The following NRXN1 variants were observed in gnomAD, a reference collection of about 807,000 sequenced individuals.
NRXN1 encodes the protein neurexin 1.
In NRXN1, 39 loss-of-function variants were observed where a neutral mutation model predicts 150.9. That is an observed-to-expected ratio of 0.26 (90% CI 0.20 to 0.34). The LOEUF is 0.34. Among genes scored for constraint, NRXN1 ranks in the 10% least tolerant of loss-of-function variants. NRXN1 has a pLI of 1.00. For synonymous variants in NRXN1, 924 were observed against 757.0 expected (o/e 1.22, Z -3.62); for missense variants, 1,815 against 1,949.9 (o/e 0.93, Z 1.30).
chr2:50,112,425 C>A (rs571220060), intron 18 of NRXN1, among the ~76,000 whole-genome samples: 1 of 152,346 alleles, frequency 6.6e-6, no homozygotes, highest in Admixed American at 6.5e-5. Flanking sequence ...GTTCAGCCTT[C>A]TCCGGTAGAC....
chr2:50,265,965 GTTATTATTATTATTATTATTA>G (rs757745541), intron 17 of NRXN1, among the ~76,000 whole-genome samples: 1 of 132,370 alleles, frequency 7.6e-6, no homozygotes, highest in Non-Finnish European at 1.6e-5. Context: ...TTATTTCTTT[GTTATTATTATTATTATTATTA>G]TTATTATTAT....
chr2:50,803,114 TAAGAA>T, intron 5 of NRXN1, among the ~76,000 whole-genome samples: 1 of 152,250 alleles, frequency 6.6e-6, no homozygotes, highest in South Asian at 2.1e-4. Context: ...ACAAGGATAA[TAAGAA>T]AAGAAAATCT....
At chr2:50,379,463 C>G (rs2080786065) in intron 17 of NRXN1, among the ~76,000 whole-genome samples, 1 of 152,178 alleles carries the variant, frequency 6.6e-6, no homozygotes, top group Non-Finnish European at 1.5e-5. Flanking sequence ...GAGAATCAGT[C>G]TCGCTTGCAG....
At chr2:50,056,325 T>C (rs1339052024) in intron 19 of NRXN1, among the ~76,000 whole-genome samples, 1 of 152,158 alleles carries the variant, frequency 6.6e-6, no homozygotes, top group African/African-American at 2.4e-5. Context: ...AGCATAATAC[T>C]GATTACACAC....
intron 17 of NRXN1, among the ~76,000 whole-genome samples, chr2:50,317,521 A>G (rs1032415930): frequency 2.1e-5 from 3 of 145,778 alleles, no homozygotes; most frequent in Non-Finnish European, 3.0e-5. Context: ...TACCCAGTGG[A>G]AAAAAAAATT....
chr2:50,309,370 A>T (rs1391955323), intron 17 of NRXN1, among the ~76,000 whole-genome samples: 3 of 152,118 alleles, frequency 2.0e-5, no homozygotes, highest in African/African-American at 7.2e-5. Flanking sequence ...TATCTCTGAC[A>T]CTAATTAATT....
intron 17 of NRXN1, among the ~76,000 whole-genome samples, chr2:50,335,593 A>G (rs77003624): frequency 0.092 from 14,073 of 152,318 alleles, 891 homozygotes; most frequent in Non-Finnish European, 0.14. Context: ...GAGCGAGGAA[A>G]AAAATATTCA....
chr2:50,577,094 G>A (rs965299881), intron 8 of NRXN1, among the ~76,000 whole-genome samples: 3 of 151,928 alleles, frequency 2.0e-5, no homozygotes, highest in Non-Finnish European at 2.9e-5. Context: ...CCATTATTAC[G>A]TTTTCAAATC....
At chr2:50,120,867 A>T (rs1703757008) in intron 18 of NRXN1, among the ~76,000 whole-genome samples, 1 of 152,234 alleles carries the variant, frequency 6.6e-6, no homozygotes. Flanking sequence ...GGGAATTTTG[A>T]GTAAGTTACT....
At chr2:50,163,019 A>G (rs2059452376) in intron 18 of NRXN1, among the ~76,000 whole-genome samples, 1 of 151,822 alleles carries the variant, frequency 6.6e-6, no homozygotes, top group Non-Finnish European at 1.5e-5. Context: ...GTCTCTGGAG[A>G]TATTCTTGTA....
chr2:50,946,724 TA>T (rs1292100603), intron 2 of NRXN1, among the ~76,000 whole-genome samples: 1 of 152,206 alleles, frequency 6.6e-6, no homozygotes, highest in South Asian at 2.1e-4. Flanking sequence ...CAATATACTT[TA>T]AAAAAACGCA....
chr2:49,928,654 C>T (rs955809523), intron 22 of NRXN1, among the ~76,000 whole-genome samples: 1 of 152,022 alleles, frequency 6.6e-6, no homozygotes, highest in African/African-American at 2.4e-5. Flanking sequence ...ATTACTTTTT[C>T]CCATTTTTTT....
intron 4 of NRXN1, chr2:50,922,410 T>C (rs548739902): frequency 1.0e-5 from 6 of 588,692 alleles, no homozygotes; most frequent in African/African-American, 7.5e-5. Context: ...CAATTTCTTA[T>C]GTCTCATTTA....
Position 50,294,653 on chromosome 2 carries a change from C to T in NRXN1, c.3365-57683G>A, listed in dbSNP as rs539127763. On this transcript the variant is annotated intron_variant, in intron 17 of 22. Coordinates refer to ENST00000401669, the MANE Select transcript of NRXN1 (RefSeq NM_001330078.2). ...GGAGGTAGAGTTTAGGAAAGATTTT[C>T]TGGAGAAGGAATGGTATTTGATCCA... Among the ~76,000 whole-genome samples the T allele has an allele frequency of 1.6e-3, 237 of 152,094 alleles. 1 individual carries two copies. Among genetic ancestry groups the T allele is most frequent in the Non-Finnish European group, 2.9e-3 (199 of 68,030 alleles).
chr2:50,789,818 A>C (rs1438640237), intron 5 of NRXN1, among the ~76,000 whole-genome samples: 1 of 152,198 alleles, frequency 6.6e-6, no homozygotes. Flanking sequence ...TCAAACATGC[A>C]AGATGTTTAA....
At chr2:50,480,596 A>C (rs1008189649) in intron 15 of NRXN1, among the ~76,000 whole-genome samples, 2 of 152,118 alleles carry the variant, frequency 1.3e-5, no homozygotes, top group Non-Finnish European at 2.9e-5. Context: ...TGAGTTTGTT[A>C]ATCCTCATCT....
intron 18 of NRXN1, among the ~76,000 whole-genome samples, chr2:50,098,342 G>A (rs1215041210): frequency 2.6e-5 from 4 of 152,104 alleles, no homozygotes; most frequent in Non-Finnish European, 5.9e-5. Flanking sequence ...AAAGAGTTGA[G>A]GGAGTGGTGG....
At chr2:50,586,739 T>A (rs1459324601) in intron 8 of NRXN1, among the ~76,000 whole-genome samples, 1 of 152,148 alleles carries the variant, frequency 6.6e-6, no homozygotes, top group Non-Finnish European at 1.5e-5. Context: ...GTGGAAGGGG[T>A]TGGAAAACAT....
At chr2:50,119,361 CT>C (rs967978985) in intron 18 of NRXN1, among the ~76,000 whole-genome samples, 37 of 152,094 alleles carry the variant, frequency 2.4e-4, no homozygotes, top group African/African-American at 7.9e-4. Flanking sequence ...ACCTTAGGGT[CT>C]TTTTTATTTG....
Sources: allele counts gnomAD v4.1 joint callset (sites outside exome capture counted in the v4.1 genomes callset), GRCh38; gene constraint gnomAD v4.1.1; transcripts MANE v1.5; gene names NCBI Gene and HGNC (gene_info 2026-07-23, HGNC 2026-07-21).